GTSE1: variants seen among roughly 807,000 people sequenced by gnomAD.
The protein encoded by GTSE1 is G2 and S-phase expressed 1.
A neutral mutation model predicts 60.5 loss-of-function variants in GTSE1; 52 were observed. The ratio of observed to expected loss-of-function variants is 0.86; its 90% confidence interval spans 0.69 to 1.08. The LOEUF (loss-of-function observed/expected upper bound fraction) is 1.08, where lower values mean the gene tolerates loss of function less well. GTSE1 is among the 50% of genes least tolerant of loss of function. GTSE1 has a pLI of 0.00. For missense variants in GTSE1, 937 were observed against 961.8 expected (o/e 0.97, Z 0.34); for synonymous variants, 368 against 386.5 (o/e 0.95, Z 0.56).
At chr22:46,315,610 G>A (rs777695686) in intron 6 of GTSE1, among the ~76,000 whole-genome samples, 3 of 152,150 alleles carry the variant, frequency 2.0e-5, no homozygotes, top group Admixed American at 6.5e-5. Flanking sequence ...TTAATATGAC[G>A]CAGCCTCCTT....
intron 9 of GTSE1, among the ~76,000 whole-genome samples, chr22:46,327,896 CA>C (rs1370774622): frequency 6.6e-6 from 1 of 151,320 alleles, no homozygotes; most frequent in Admixed American, 6.6e-5. Flanking sequence ...CATGGAATGC[CA>C]AAGAGAAAAT....
Position 46,309,034 on chromosome 22 carries a change from G to A in GTSE1, c.762+91G>A. On this transcript the variant is annotated intron_variant, in intron 4 of 11. Transcript: ENST00000454366. This position sits in a 1 kb window ranked among gnomAD's most constrained non-coding sequence, Gnocchi z 6.2. ...AAGCCACATGCGGAAAGCCTCAGAG[G>A]TGGCGAGTCTCTGAGGCCTACAAAA... The A allele has an allele frequency of 7.1e-7, 1 of 1,403,668 alleles. No individual in the cohort carries two copies. Among genetic ancestry groups the A allele is most frequent in the Non-Finnish European group, 9.6e-7 (1 of 1,036,592 alleles). 87.0% of individuals were successfully genotyped at this position (1,403,668 alleles called of 1,614,324 possible).
rs74496790 is a variant in GTSE1, at chr22:46,316,006, G to A, written c.1052-26G>A. On this transcript the variant is annotated intron_variant, in intron 6 of 11. Transcript: ENST00000454366. The surrounding 1 kb of genome is among the most constrained non-coding windows in gnomAD (Gnocchi z 5.0). ...AATAGCTTCATACTTTTATAATAAT[G>A]TGATTTTTGTGTGTATACCTTCTAG... 7.5e-6 allele frequency: 11 copies of A among 1,469,054 alleles called. No individual in the cohort carries two copies. Among genetic ancestry groups the A allele is most frequent in the Admixed American group, 2.4e-5 (1 of 40,844 alleles). The allele number at this position is 1,469,054 out of a possible 1,614,324, so 91.0% of individuals were successfully genotyped here. A position where few individuals can be genotyped will look rare whatever the true frequency, so the allele number is the denominator to read the frequency against.
At position 46,313,186 on chromosome 22, in the gene GTSE1, A is replaced by AAT. The variant is rs1321464974; in HGVS notation, c.928-704_928-703insAT. 1.3e-5 allele frequency among the ~76,000 whole-genome samples: 2 copies of AAT among 149,708 alleles called. No individual in the cohort carries two copies. Among genetic ancestry groups the AAT allele is most frequent in the Non-Finnish European group, 3.0e-5 (2 of 67,464 alleles). ...CTGTCTAAAAAAAAAAAAAAAAAAA[A>AAT]GGAAAAGAAAGAAAATTGCGGTTCC... is the stretch of plus-strand genomic sequence containing the variant. On this transcript the variant is annotated intron_variant, in intron 5 of 11. Coordinates refer to ENST00000454366, the MANE Select transcript of GTSE1 (RefSeq NM_016426.7). The surrounding 1 kb of genome is among the most constrained non-coding windows in gnomAD (Gnocchi z 4.4).
chr22:46,315,929 T>G (rs1395192994), intron 6 of GTSE1, 103 bp from the exon 7 acceptor site: 3 of 907,028 alleles, frequency 3.3e-6, no homozygotes, highest in South Asian at 3.9e-5. Context: ...TTAATGTGTC[T>G]TATGTTTAAG....
Position 46,320,975 on chromosome 22 carries a change from C to T in GTSE1, c.1433-2215C>T, listed in dbSNP as rs2077808939. 6.6e-6 allele frequency among the ~76,000 whole-genome samples: 1 copy of T among 151,906 alleles called. No individual in the cohort carries two copies. Among genetic ancestry groups the T allele is most frequent in the Admixed American group, 6.6e-5 (1 of 15,250 alleles). On this transcript the variant is annotated intron_variant, in intron 7 of 11. Transcript: ENST00000454366. This position sits in a 1 kb window ranked among gnomAD's most constrained non-coding sequence, Gnocchi z 7.1. Reference sequence around the variant, plus strand: ...TCCACCCAGCTGAGGGAGAGGACAACCGAGAGGAAGGGGTCTCGGGAGAGA... The same window carrying T: ...TCCACCCAGCTGAGGGAGAGGACAATCGAGAGGAAGGGGTCTCGGGAGAGA...
intron 2 of GTSE1, among the ~76,000 whole-genome samples, chr22:46,302,572 G>A (rs1388382200): frequency 3.3e-5 from 5 of 151,980 alleles, no homozygotes; most frequent in Non-Finnish European, 7.4e-5. Flanking sequence ...ATGTTGTCTA[G>A]GCTGGTCTCA....
In GTSE1 at chr22:46,330,148, G is replaced by T. The variant is rs367775527; in HGVS notation, c.*18G>T. 4 of 1,513,344 alleles carry T rather than the reference G, an allele frequency of 2.6e-6. No homozygotes were observed. The highest frequency in any genetic ancestry group is 1.4e-5 in the African/African-American group (1 of 72,932). The allele number at this position is 1,513,344 out of a possible 1,614,324, so 93.7% of individuals were successfully genotyped here. ...AGTTCTAAGCCGAACCAAATCCTTTGCCTTGAAAGAACAGCCCTAAAGTGG... is the reference window on the plus strand; with the variant it reads ...AGTTCTAAGCCGAACCAAATCCTTTTCCTTGAAAGAACAGCCCTAAAGTGG... On this transcript the variant is annotated 3_prime_UTR_variant, in exon 12 of 12. Coordinates refer to ENST00000454366, the MANE Select transcript of GTSE1 (RefSeq NM_016426.7). This position sits in a 1 kb window ranked among gnomAD's most constrained non-coding sequence, Gnocchi z 6.0.
At position 46,320,431 on chromosome 22, in the gene GTSE1, G is replaced by A. The variant is rs2077806045; in HGVS notation, c.1433-2759G>A. On this transcript the variant is annotated intron_variant, in intron 7 of 11. Coordinates refer to ENST00000454366, the MANE Select transcript of GTSE1 (RefSeq NM_016426.7). This position sits in a 1 kb window ranked among gnomAD's most constrained non-coding sequence, Gnocchi z 7.1. Reference sequence around the variant, plus strand: ...GCACTGGCCGGAAGAGAGGCCCCAGGGGAGCAGCCACGCTGTTGGGAACAC... The same window carrying A: ...GCACTGGCCGGAAGAGAGGCCCCAGAGGAGCAGCCACGCTGTTGGGAACAC... 6.6e-6 allele frequency among the ~76,000 whole-genome samples: 1 copy of A among 152,162 alleles called. No individual in the cohort carries two copies. Among genetic ancestry groups the A allele is most frequent in the Non-Finnish European group, 1.5e-5 (1 of 68,032 alleles).
chr22:46,328,055 A>G (rs1423302262), intron 9 of GTSE1, among the ~76,000 whole-genome samples: 1 of 152,284 alleles, frequency 6.6e-6, no homozygotes, highest in African/African-American at 2.4e-5. Flanking sequence ...AGTATTAAAA[A>G]GAAGGTACTG....
chr22:46,330,478 G>T lies in GTSE1; in HGVS notation c.*348G>T. ...AGCCTGGGCACCAATGTGAGAACCT[G>T]TCTTGGAAAAAAAAAAAAAGAAACA... On this transcript the variant is annotated 3_prime_UTR_variant, in exon 12 of 12. Transcript: ENST00000454366. This position sits in a 1 kb window ranked among gnomAD's most constrained non-coding sequence, Gnocchi z 6.0. The T allele has an allele frequency of 1.1e-5, 2 of 177,718 alleles. No homozygotes were observed. Among genetic ancestry groups the T allele is most frequent in the South Asian group, 1.7e-4 (1 of 6,002 alleles). The allele number at this position is 177,718 out of a possible 1,614,324, so 11.0% of individuals were successfully genotyped here. A position where few individuals can be genotyped will look rare whatever the true frequency, so the allele number is the denominator to read the frequency against.
At chr22:46,305,911 A>G (rs1437032330) in intron 2 of GTSE1, among the ~76,000 whole-genome samples, 6 of 152,098 alleles carry the variant, frequency 3.9e-5, no homozygotes, top group Admixed American at 2.6e-4. Flanking sequence ...CATCTCAAAA[A>G]AAAAAGAATA....
intron 2 of GTSE1, among the ~76,000 whole-genome samples, chr22:46,299,307 G>A (rs1455136617): frequency 6.6e-6 from 1 of 152,244 alleles, no homozygotes; most frequent in Non-Finnish European, 1.5e-5. Flanking sequence ...TCCAATAGCT[G>A]TGCAGCGTAT....
chr22:46,316,110 G>A lies in GTSE1; in HGVS notation c.1130G>A (p.Gly377Glu), dbSNP rs1445532757. 5.1e-6 allele frequency: 8 copies of A among 1,579,728 alleles called. No homozygotes were observed. The highest frequency in any genetic ancestry group is 6.9e-6 in the Non-Finnish European group (8 of 1,160,324). Residue 377 changes from glycine (G) to glutamate (E), a missense_variant, in exon 7 of 12, where the codon GGA becomes GAA. Gly to Glu is a moderately conservative substitution (Grantham distance 98). Transcript: ENST00000454366. The surrounding 1 kb of genome is among the most constrained non-coding windows in gnomAD (Gnocchi z 5.0). ...LSNISKSGRM[G>E]PAMLRPALPA... is the part of the protein sequence containing the mutation. ...AACATCAGCAAGTCAGGCAGAATGG[G>A]ACCCGCCATGCTGCGGCCAGCTCTG...
At position 46,308,696 on chromosome 22, in the gene GTSE1, C is replaced by G; in HGVS notation, c.515C>G (p.Pro172Arg). The change falls in exon 4 of 12, where the codon CCC becomes CGC. Residue 172 changes from proline to arginine, a missense_variant. Transcript: ENST00000454366. The stretch of plus-strand genomic sequence containing the variant: ...GAGACATACTACCTGTCAGACAGCC[C>G]CTTGCTGGGGCCCCCTGTGGGTGAG... ...KRETYYLSDS[P>R]LLGPPVGEPR... The G allele has an allele frequency of 6.2e-7, 1 of 1,613,888 alleles. No homozygotes were observed. The highest frequency in any genetic ancestry group is 1.3e-5 in the African/African-American group (1 of 75,078).
rs368816961 is a variant in GTSE1 at position 46,317,153 on chromosome 22, G to A, written c.1432+741G>A. Among the ~76,000 whole-genome samples, 54 of 152,128 alleles carry A rather than the reference G, an allele frequency of 3.5e-4. No individual in the cohort carries two copies. The East Asian group carries it at 8.3e-3, about 23-fold the overall frequency. On this transcript the variant is annotated intron_variant, in intron 7 of 11. Coordinates refer to ENST00000454366, the MANE Select transcript of GTSE1 (RefSeq NM_016426.7). This position sits in a 1 kb window ranked among gnomAD's most constrained non-coding sequence, Gnocchi z 5.6. ...ATTTTTTTTTTGTATTTTTGGTAGA[G>A]ACGGGGTTTCGCCATGTTGGCCAGG...
intron 4 of GTSE1, among the ~76,000 whole-genome samples, chr22:46,311,612 G>T (rs1488446619): frequency 6.6e-6 from 1 of 152,182 alleles, no homozygotes; most frequent in Non-Finnish European, 1.5e-5. Flanking sequence ...TTATAAGGGG[G>T]CTATTTATGT....
chr22:46,308,291 A>G, intron 3 of GTSE1, 28 bp from the exon 4 acceptor site: 1 of 1,609,748 alleles, frequency 6.2e-7, no homozygotes. Flanking sequence ...GTTATGAGTT[A>G]TTAATCATTC....
chr22:46,323,551 C>T (rs1035781378), intron 8 of GTSE1, among the ~76,000 whole-genome samples: 1 of 152,220 alleles, frequency 6.6e-6, no homozygotes, highest in Non-Finnish European at 1.5e-5. Context: ...TAGGACTGCC[C>T]GTGCCCAGCC....
Sources: gnomAD v4.1 joint callset for allele counts (sites outside exome capture counted in the v4.1 genomes callset) on GRCh38, gnomAD v4.1.1 for gene constraint, Gnocchi (gnomAD v3.1) non-coding constraint, MANE v1.5 for transcripts, NCBI Gene and HGNC (gene_info 2026-07-23, HGNC 2026-07-21) for gene names.